Variants in TMEM114 observed in about 807,000 individuals in gnomAD.
TMEM114 encodes the protein transmembrane protein 114, also known as claudin-26.
A neutral mutation model predicts 6.2 loss-of-function variants in TMEM114; 6 were observed. The observed-to-expected ratio is 0.97, with a 90% CI of 0.53 to 1.91. The LOEUF is 1.91. Among genes scored for constraint, TMEM114 ranks in the 40% most tolerant of loss-of-function variants. The pLI is 0.01. For synonymous variants in TMEM114, 104 were observed against 73.0 expected, an observed-to-expected ratio of 1.42 and a Z score of -2.16; for missense variants, 218 against 158.3, an observed-to-expected ratio of 1.38 and a Z score of -2.02.
At chr16:8,565,381 G>T (rs1901506562), downstream of TMEM114, among the ~76,000 whole-genome samples, 1 of 152,190 alleles carries the variant, frequency 6.6e-6, no homozygotes, top group Admixed American at 6.5e-5. Flanking sequence ...ATAAATGAAT[G>T]GATCTTCTTT....
At chr16:8,561,967 A>C (rs1293188644) in intron 2 of TMEM114, among the ~76,000 whole-genome samples, 1 of 152,000 alleles carries the variant, frequency 6.6e-6, no homozygotes, top group Non-Finnish European at 1.5e-5. Flanking sequence ...GGAGGGAGGG[A>C]ATGAGTGAGT....
At chr16:8,539,661 T>C (rs910440716) in intron 2 of TMEM114, among the ~76,000 whole-genome samples, 10 of 152,120 alleles carry the variant, frequency 6.6e-5, no homozygotes, top group African/African-American at 2.2e-4. Flanking sequence ...CAGGGATCCT[T>C]AAATATTTAT....
intron 2 of TMEM114, among the ~76,000 whole-genome samples, chr16:8,544,009 G>A (rs1488979713): frequency 6.6e-6 from 1 of 152,152 alleles, no homozygotes. Flanking sequence ...TGCCTAGACT[G>A]CCAGGAAGCG....
Position 8,569,774 on chromosome 16 carries a change from C to T in TMEM114, c.671G>A (p.Ter224=), listed in dbSNP as rs1901662699. 1.2e-5 allele frequency: 19 copies of T among 1,549,646 alleles called. No individual in the cohort carries two copies. The highest frequency in any genetic ancestry group is 2.4e-5 in the East Asian group (1 of 40,866). The part of the protein sequence containing the change: ...SLRRRQDQAI[*] The stretch of plus-strand genomic sequence containing the variant: ...CCCTCCACGACCCAGCGCCCAGGCT[C>T]ATATGGCCTGGTCCTGCCTCCGTCT... Residue 224 remains the stop codon, a stop_retained_variant, in exon 4 of 4, where the codon TGA becomes TAA. Transcript: ENST00000620492.
At chr16:8,553,963 C>G (rs145398972) in intron 2 of TMEM114, among the ~76,000 whole-genome samples, 14 of 152,012 alleles carry the variant, frequency 9.2e-5, no homozygotes, top group African/African-American at 2.9e-4. Flanking sequence ...ACTGCAACCT[C>G]TGGCTCCCAG....
the TMEM114 span, among the ~76,000 whole-genome samples, chr16:8,530,369 C>G: frequency 1.3e-5 from 2 of 152,170 alleles, no homozygotes; most frequent in African/African-American, 4.8e-5. Context: ...GTCTCTGGGT[C>G]TCAGAGTTCC....
chr16:8,581,309 A>G (rs975880140), intron 2 of TMEM114, among the ~76,000 whole-genome samples: 2 of 152,210 alleles, frequency 1.3e-5, no homozygotes, highest in African/African-American at 4.8e-5. Context: ...AGGCTATATA[A>G]TATTCCACAA....
intron 2 of TMEM114, among the ~76,000 whole-genome samples, chr16:8,585,636 A>G (rs1475886702): frequency 6.6e-6 from 1 of 152,178 alleles, no homozygotes; most frequent in African/African-American, 2.4e-5. Flanking sequence ...CGGAGAAAAA[A>G]AAAAAAGCTC....
chr16:8,569,528 G>T lies in TMEM114; in HGVS notation c.*245C>A. On this transcript the variant is annotated 3_prime_UTR_variant, in exon 4 of 4. Coordinates refer to ENST00000620492, the MANE Select transcript of TMEM114 (RefSeq NM_001146336.2). ...GATTAAAGGATCGTTTTTATTTCTCGCGAAGCGGTTTGGCACTCCCTCGGG... is the reference window on the plus strand; with the variant it reads ...GATTAAAGGATCGTTTTTATTTCTCTCGAAGCGGTTTGGCACTCCCTCGGG... 7.2e-7 allele frequency: 1 copy of T among 1,388,126 alleles called. No individual in the cohort carries two copies. Among genetic ancestry groups the T allele is most frequent in the African/African-American group, 1.4e-5 (1 of 69,050 alleles). 86.0% of individuals were successfully genotyped at this position (1,388,126 alleles called of 1,614,324 possible). A position where few individuals can be genotyped will look rare whatever the true frequency, so the allele number is the denominator to read the frequency against.
intron 2 of TMEM114, among the ~76,000 whole-genome samples, chr16:8,540,494 C>T (rs1900485720): frequency 6.6e-6 from 1 of 152,140 alleles, no homozygotes; most frequent in Non-Finnish European, 1.5e-5. Flanking sequence ...AGCAAGCACT[C>T]CAAAAATCTC....
chr16:8,580,222 C>A (rs1264293946), intron 2 of TMEM114, among the ~76,000 whole-genome samples: 1 of 152,192 alleles, frequency 6.6e-6, no homozygotes, highest in African/African-American at 2.4e-5. Context: ...CGGCACGATG[C>A]ATGCCTGTAA....
intron 2 of TMEM114, among the ~76,000 whole-genome samples, chr16:8,543,449 A>T (rs576539800): frequency 6.8e-5 from 5 of 73,724 alleles, no homozygotes; most frequent in African/African-American, 2.6e-4. Context: ...CACTTGCGTC[A>T]TGCAATGGTG....
At chr16:8,547,469 T>A (rs1329674984) in intron 2 of TMEM114, among the ~76,000 whole-genome samples, 1 of 151,028 alleles carries the variant, frequency 6.6e-6, no homozygotes, top group Non-Finnish European at 1.5e-5. Flanking sequence ...TTCAGCTCAC[T>A]ACAACCTCTG....
At chr16:8,584,415 T>C (rs1251787793) in intron 2 of TMEM114, among the ~76,000 whole-genome samples, 1 of 152,146 alleles carries the variant, frequency 6.6e-6, no homozygotes, top group Non-Finnish European at 1.5e-5. Flanking sequence ...AACCCACGAC[T>C]TCCCCAGAGC....
intron 2 of TMEM114, among the ~76,000 whole-genome samples, chr16:8,546,022 G>C (rs1343990047): frequency 1.3e-5 from 2 of 152,128 alleles, no homozygotes; most frequent in Admixed American, 6.6e-5. Context: ...GGCTGAGGCG[G>C]GAGGATCACT....
downstream of TMEM114, among the ~76,000 whole-genome samples, chr16:8,567,990 C>T (rs953577307): frequency 1.3e-5 from 2 of 152,178 alleles, no homozygotes; most frequent in Non-Finnish European, 2.9e-5. Context: ...GTCGCAGCAA[C>T]GTCCTGAAAG....
chr16:8,537,108 A>G (rs1900383259), downstream of TMEM114, among the ~76,000 whole-genome samples: 1 of 152,130 alleles, frequency 6.6e-6, no homozygotes, highest in Admixed American at 6.5e-5. Flanking sequence ...TGGGAGGCTG[A>G]GGCTGGAAGA....
chr16:8,585,710 G>C (rs1902295836), intron 2 of TMEM114, among the ~76,000 whole-genome samples: 1 of 152,090 alleles, frequency 6.6e-6, no homozygotes, highest in Non-Finnish European at 1.5e-5. Context: ...TTTCATGGAG[G>C]ATATAATGGG....
rs1902439713 is a variant in TMEM114 at position 8,590,134 on chromosome 16, A to C, written c.-296T>G. 3.9e-5 allele frequency: 12 copies of C among 311,300 alleles called. No individual in the cohort carries two copies. Among genetic ancestry groups the C allele is most frequent in the Non-Finnish European group, 5.8e-6 (1 of 172,236 alleles). 19.3% of individuals were successfully genotyped at this position (311,300 alleles called of 1,614,324 possible). On this transcript the variant is annotated 5_prime_UTR_variant, in exon 1 of 4. Transcript: ENST00000620492. ...CTCTCACTTGTGCTGTCCGACCTCC[A>C]CCTCCGCCTTCAGACCCTCCTGGAA... is the stretch of plus-strand genomic sequence containing the variant.
Sources: allele counts gnomAD v4.1 joint callset (sites outside exome capture counted in the v4.1 genomes callset), GRCh38; gene constraint gnomAD v4.1.1; transcripts MANE v1.5; gene names NCBI Gene and HGNC (gene_info 2026-07-23, HGNC 2026-07-21).